The following COL6A5 variants were observed in gnomAD, a reference collection of about 807,000 sequenced individuals.
COL6A5 encodes collagen alpha-5(VI) chain.
A neutral mutation model predicts 65.6 loss-of-function variants in COL6A5; 48 were observed. The ratio of observed to expected loss-of-function variants is 0.73; its 90% CI spans 0.58 to 0.93. The LOEUF is 0.93. Ranked by LOEUF, COL6A5 falls within the 40% of genes least tolerant of loss-of-function variation. COL6A5 has a pLI of 0.00. For synonymous variants in COL6A5, 291 were observed against 322.8 expected, an observed-to-expected ratio of 0.90 and a Z score of 1.05; for missense variants, 914 against 928.3, an observed-to-expected ratio of 0.98 and a Z score of 0.20.
rs1936133494 is a variant in COL6A5 at position 130,385,018 on chromosome 3, A to C, written c.1515A>C (p.Leu505Phe). The change falls in exon 5 of 42, where the codon TTA becomes TTC. Residue 505 changes from leucine (L) to phenylalanine (F), a missense_variant and NMD_transcript_variant. Leu to Phe is a conservative substitution (Grantham distance 22). Coordinates refer to the COL6A5 transcript ENST00000312481. ...CTGACTATTCTAATGATATTGACTT[A>C]AGAAAGGCTATTTTTAACATTAAGC... 3.9e-6 allele frequency: 6 copies of C among 1,550,872 alleles called. No homozygotes were observed. The East Asian group carries it at 1.5e-4, about 38-fold the overall frequency.
chr3:130,414,980 A>T (rs187460664), intron 22 of COL6A5, among the ~76,000 whole-genome samples: 2 of 152,026 alleles, frequency 1.3e-5, no homozygotes, highest in African/African-American at 4.8e-5. Context: ...TTTGGGGTGG[A>T]TGTGGGGGTG....
chr3:130,380,932 T>G (rs1935973496), intron 4 of COL6A5, among the ~76,000 whole-genome samples: 1 of 152,108 alleles, frequency 6.6e-6, no homozygotes, highest in South Asian at 2.1e-4. Context: ...TTCCACATTA[T>G]TTTTTGCTGT....
intron 1 of COL6A5, among the ~76,000 whole-genome samples, chr3:130,361,740 G>A (rs1246587450): frequency 1.3e-5 from 2 of 152,040 alleles, no homozygotes; most frequent in African/African-American, 4.8e-5. Flanking sequence ...GCCAGCATTT[G>A]GTGTTGTCAG....
exon 1 of COL6A5, chr3:130,431,900 G>T (rs1937832000): frequency 1.3e-6 from 2 of 1,551,406 alleles, no homozygotes; most frequent in Non-Finnish European, 1.7e-6. Context: ...CTGGATATCA[G>T]TCCAACAGTC....
At chr3:130,348,567 T>C (rs1934587596) in intron 1 of COL6A5, among the ~76,000 whole-genome samples, 1 of 152,238 alleles carries the variant, frequency 6.6e-6, no homozygotes, top group South Asian at 2.1e-4. Flanking sequence ...TATTTGTAAA[T>C]AGTGCTTCAA....
At chr3:130,383,929 C>A (rs879820557) in intron 4 of COL6A5, among the ~76,000 whole-genome samples, 3 of 152,002 alleles carry the variant, frequency 2.0e-5, no homozygotes, top group Non-Finnish European at 4.4e-5. Flanking sequence ...TAAACAAAAT[C>A]TTTGTCCTCA....
At chr3:130,366,204 A>G (rs1435200537) in intron 1 of COL6A5, among the ~76,000 whole-genome samples, 3 of 152,220 alleles carry the variant, frequency 2.0e-5, no homozygotes, top group East Asian at 1.9e-4. Context: ...ACATTCTTCT[A>G]TCTAGGGATG....
At chr3:130,364,207 A>G (rs1329906861) in intron 1 of COL6A5, among the ~76,000 whole-genome samples, 1 of 152,194 alleles carries the variant, frequency 6.6e-6, no homozygotes, top group African/African-American at 2.4e-5. Flanking sequence ...TACTTCAGAA[A>G]AATAATTTCT....
chr3:130,391,494 G>A lies in COL6A5; in HGVS notation c.2732G>A (p.Arg911His), dbSNP rs773195251. ...CTGTTTACAGAGGAACATGGCAGCC[G>A]CATCAAGCAAAATGTGAAGCAGATG... The change falls in exon 7 of 42, where the codon CGC becomes CAC. Residue 911 changes from arginine (R) to histidine (H), a missense_variant and NMD_transcript_variant. Coordinates refer to the COL6A5 transcript ENST00000312481. 16 of 1,551,686 alleles carry A rather than the reference G, an allele frequency of 1.0e-5. No homozygotes were observed. In the Middle Eastern group the frequency reaches 5.0e-4, roughly 49 times the overall value.
exon 15 of COL6A5, chr3:130,406,014 C>T: frequency 4.5e-6 from 7 of 1,551,358 alleles, no homozygotes; most frequent in South Asian, 2.4e-5. Flanking sequence ...ATTTTCTGGA[C>T]CTAAGGTACT....
At chr3:130,352,782 A>G (rs1934771777) in intron 1 of COL6A5, among the ~76,000 whole-genome samples, 1 of 152,202 alleles carries the variant, frequency 6.6e-6, no homozygotes, top group South Asian at 2.1e-4. Flanking sequence ...TTTTCCAAAA[A>G]TTATTTGGAC....
chr3:130,432,325 C>T (rs1026844861), intron 1 of COL6A5, among the ~76,000 whole-genome samples: 9 of 152,158 alleles, frequency 5.9e-5, no homozygotes, highest in East Asian at 1.9e-4. Context: ...GAGGCCAAGG[C>T]GGGCGAATCA....
In COL6A5 at chr3:130,440,154, G is replaced by C; in HGVS notation, c.582-12G>C. ...TGTTGAACCAATGATGTGTCTCTCT[G>C]TGTGTTTTCAGATAAATGTTTTCCA... On this transcript the variant is annotated splice_polypyrimidine_tract_variant and intron_variant, in intron 2 of 7. Transcript: ENST00000512836. The C allele has an allele frequency of 1.9e-6, 3 of 1,600,490 alleles. No homozygotes were observed. Among genetic ancestry groups the C allele is most frequent in the South Asian group, 1.1e-5 (1 of 88,696 alleles).
intron 1 of COL6A5, among the ~76,000 whole-genome samples, chr3:130,352,238 A>G (rs1046151697): frequency 7.9e-5 from 12 of 152,046 alleles, no homozygotes; most frequent in Non-Finnish European, 1.5e-4. Context: ...GCAAACCACC[A>G]TGGCACATGT....
chr3:130,456,104 C>G (rs1456695276), intron 5 of COL6A5, among the ~76,000 whole-genome samples: 1 of 152,076 alleles, frequency 6.6e-6, no homozygotes, highest in Non-Finnish European at 1.5e-5. Context: ...AAGCGATTCT[C>G]TTTAAAATGA....
chr3:130,347,921 A>G (rs1311693167), intron 1 of COL6A5, among the ~76,000 whole-genome samples: 2 of 152,088 alleles, frequency 1.3e-5, no homozygotes, highest in South Asian at 2.1e-4. Context: ...ATAAAACGAG[A>G]TGCATGCCTA....
At chr3:130,421,089 C>G in intron 25 of COL6A5, 64 bp from the exon 26 acceptor site, 2 of 1,421,256 alleles carry the variant, frequency 1.4e-6, no homozygotes, top group South Asian at 1.2e-5. Context: ...TGTAATCTCC[C>G]CAGTATAGAT....
At chr3:130,469,353 A>T (rs774226692) in exon 6 of COL6A5, 1 of 1,612,916 alleles carries the variant, frequency 6.2e-7, no homozygotes. Flanking sequence ...CCTAAACACA[A>T]TGACAAAGAA....
chr3:130,362,326 ATTTTTTT>A (rs374784717), intron 1 of COL6A5, among the ~76,000 whole-genome samples: 20 of 4,642 alleles, frequency 4.3e-3, no homozygotes, highest in African/African-American at 8.2e-3. Context: ...ATATATATAT[ATTTTTTT>A]TTTTTTTTTT....
Sources: allele counts gnomAD v4.1 joint callset (sites outside exome capture counted in the v4.1 genomes callset), GRCh38; gene constraint gnomAD v4.1.1; transcripts MANE v1.5; gene names NCBI Gene and HGNC (gene_info 2026-07-23, HGNC 2026-07-21).